PDE7B: variants seen among roughly 807,000 people sequenced by gnomAD.
PDE7B encodes 3',5'-cyclic-AMP phosphodiesterase 7B.
PDE7B carries 29 observed loss-of-function variants against 56.2 expected under a neutral mutation model. That is an observed-to-expected ratio of 0.52 (90% confidence interval 0.38 to 0.70). The LOEUF (loss-of-function observed/expected upper bound fraction) is 0.70, where lower values mean the gene tolerates loss of function less well. Ranked by LOEUF, PDE7B falls within the 30% of genes least tolerant of loss-of-function variation. The probability of loss-of-function intolerance (pLI) is 0.00; values close to 1 mark genes in which losing one functional copy is unlikely to be tolerated. For missense variants in PDE7B, 490 were observed against 565.0 expected (o/e 0.87, Z 1.35); for synonymous variants, 197 against 196.9 (o/e 1.00, Z 0.00).
chr6:136,054,569 T>C (rs1776695139), intron 2 of PDE7B, among the ~76,000 whole-genome samples: 3 of 152,200 alleles, frequency 2.0e-5, no homozygotes. Context: ...AACTTTAAAG[T>C]AGTTTTTTCC....
intron 2 of PDE7B, among the ~76,000 whole-genome samples, chr6:136,083,560 T>C (rs1038696304): frequency 6.6e-6 from 1 of 152,226 alleles, no homozygotes; most frequent in African/African-American, 2.4e-5. Context: ...ATTCATGCCA[T>C]GTGATACTGA....
chr6:135,922,866 A>T (rs1774112186), intron 1 of PDE7B, among the ~76,000 whole-genome samples: 1 of 152,072 alleles, frequency 6.6e-6, no homozygotes, highest in Non-Finnish European at 1.5e-5. Flanking sequence ...AGGCAGAAAA[A>T]CCTTTCCTGT....
intron 2 of PDE7B, among the ~76,000 whole-genome samples, chr6:136,004,815 G>A (rs1293466625): frequency 2.6e-5 from 4 of 152,020 alleles, no homozygotes; most frequent in Admixed American, 1.3e-4. Context: ...TCCCCATCAA[G>A]CTACCAATGA....
intron 2 of PDE7B, among the ~76,000 whole-genome samples, chr6:136,009,637 C>T (rs147030518): frequency 0.015 from 2,246 of 152,198 alleles, 50 homozygotes; most frequent in African/African-American, 0.051. Context: ...CTCCGTTTGT[C>T]TGTTATTGAT....
At chr6:136,143,760 C>A (rs1214684053) in intron 3 of PDE7B, among the ~76,000 whole-genome samples, 1 of 151,954 alleles carries the variant, frequency 6.6e-6, no homozygotes, top group African/African-American at 2.4e-5. Context: ...CCATTATTTC[C>A]TATCATCTAC....
chr6:135,933,706 A>G (rs1562444488), intron 1 of PDE7B, among the ~76,000 whole-genome samples: 1 of 139,790 alleles, frequency 7.2e-6, no homozygotes, highest in Admixed American at 7.7e-5. Context: ...GTTAAATGAT[A>G]ATCATTGTTA....
At chr6:136,104,892 G>A (rs989576284) in intron 2 of PDE7B, among the ~76,000 whole-genome samples, 2 of 152,202 alleles carry the variant, frequency 1.3e-5, no homozygotes, top group Non-Finnish European at 2.9e-5. Context: ...TATGGACAGT[G>A]TCAGCACTGA....
At chr6:135,852,328 G>A (rs758762492) in intron 1 of PDE7B, among the ~76,000 whole-genome samples, 43 of 151,996 alleles carry the variant, frequency 2.8e-4, no homozygotes, top group Non-Finnish European at 4.9e-4. Context: ...AATAAAGAAT[G>A]CAATATTTTT....
chr6:135,934,775 ATT>A (rs1277290687), intron 1 of PDE7B, among the ~76,000 whole-genome samples: 9 of 94,098 alleles, frequency 9.6e-5, no homozygotes, highest in Admixed American at 8.9e-4. Context: ...ATATATATAT[ATT>A]TATTATATAT....
intron 3 of PDE7B, among the ~76,000 whole-genome samples, chr6:136,141,834 C>T (rs911632557): frequency 2.6e-4 from 40 of 151,954 alleles, no homozygotes; most frequent in African/African-American, 2.2e-4. Context: ...TTTTTGATTG[C>T]GTCTATTTGA....
chr6:136,039,596 A>C (rs538612906), intron 2 of PDE7B, among the ~76,000 whole-genome samples: 304 of 152,358 alleles, frequency 2.0e-3, no homozygotes, highest in African/African-American at 6.5e-3. Flanking sequence ...TCTGTAAAGA[A>C]TATTATTAAG....
chr6:135,964,161 T>G (rs979298151), intron 2 of PDE7B, among the ~76,000 whole-genome samples: 2 of 152,000 alleles, frequency 1.3e-5, no homozygotes, highest in Non-Finnish European at 2.9e-5. Flanking sequence ...CTGGAGTCAG[T>G]GGTGCAATCT....
chr6:136,191,505 A>C (rs924053608), intron 12 of PDE7B, 109 bp from the exon 13 acceptor site: 2 of 892,284 alleles, frequency 2.2e-6, no homozygotes, highest in East Asian at 5.3e-5. Context: ...CATCTCTACT[A>C]AAGATACAAA....
chr6:136,110,033 C>T (rs990297530), intron 3 of PDE7B, among the ~76,000 whole-genome samples: 35 of 152,266 alleles, frequency 2.3e-4, no homozygotes, highest in African/African-American at 8.2e-4. Context: ...TCTGATCCTT[C>T]GATCCTTGAG....
rs188267423 is a variant in PDE7B at position 136,008,283 on chromosome 6, G to C, written c.82+60759G>C. ...AGTCTTTGCTATTGTGAATAGTGCC[G>C]CAATAAACATACATGTGCATGTGTC... On this transcript the variant is annotated intron_variant, in intron 2 of 12. Transcript: ENST00000308191. 6.2e-4 allele frequency among the ~76,000 whole-genome samples: 94 copies of C among 152,072 alleles called. 4 individuals are homozygous for C. The highest frequency in any genetic ancestry group is 2.2e-3 in the African/African-American group (92 of 41,460).
chr6:135,931,946 C>T (rs946222798), intron 1 of PDE7B, among the ~76,000 whole-genome samples: 8 of 46,242 alleles, frequency 1.7e-4, no homozygotes, highest in South Asian at 8.5e-4. Flanking sequence ...CACACACACA[C>T]GCGCGCGCAC....
At chr6:135,941,098 G>T (rs982603013) in intron 1 of PDE7B, among the ~76,000 whole-genome samples, 7 of 152,206 alleles carry the variant, frequency 4.6e-5, no homozygotes, top group Non-Finnish European at 7.3e-5. Flanking sequence ...GAGGGTGGGG[G>T]TGAAAGCAGC....
intron 2 of PDE7B, chr6:136,064,392 T>C (rs1348863857): frequency 6.6e-6 from 1 of 152,210 alleles, no homozygotes; most frequent in East Asian, 1.9e-4. Flanking sequence ...TGCTTCTCTG[T>C]TGGTGGCAAG....
At chr6:135,963,462 C>T (rs867506540) in intron 2 of PDE7B, among the ~76,000 whole-genome samples, 1 of 152,118 alleles carries the variant, frequency 6.6e-6, no homozygotes, top group African/African-American at 2.4e-5. Flanking sequence ...ATGTCTGCCT[C>T]AAATATATGA....
Sources: gnomAD v4.1 joint callset for allele counts (sites outside exome capture counted in the v4.1 genomes callset) on GRCh38, gnomAD v4.1.1 for gene constraint, MANE v1.5 for transcripts, NCBI Gene and HGNC (gene_info 2026-07-23, HGNC 2026-07-21) for gene names.